The following HSPG2 variants were observed in gnomAD, a reference collection of about 807,000 sequenced individuals.
HSPG2 encodes the protein heparan sulfate proteoglycan 2, also known as basement membrane-specific heparan sulfate proteoglycan core protein.
Under a neutral mutation model 526.6 loss-of-function variants are expected in HSPG2, and 278 were observed. The ratio of observed to expected loss-of-function variants is 0.53; its 90% CI spans 0.48 to 0.58. The LOEUF (loss-of-function observed/expected upper bound fraction) is 0.58. Ranked by LOEUF, HSPG2 falls within the 20% of genes least tolerant of loss-of-function variation. The pLI is 0.00. For synonymous variants in HSPG2, 2,465 were observed against 2,555.4 expected (o/e 0.96, Z 1.07); for missense variants, 5,354 against 6,099.5 (o/e 0.88, Z 4.07).
At chr1:21,841,390 C>T in intron 70 of HSPG2, 105 bp from the exon 71 acceptor site, 6 of 1,559,890 alleles carry the variant, frequency 3.8e-6, no homozygotes, top group Non-Finnish European at 5.3e-6. Context: ...ACCTGTCTCC[C>T]CACTGCACTG....
In HSPG2 at chr1:21,887,507, C is replaced by A. The variant is rs148693072; in HGVS notation, c.871G>T (p.Ala291Ser). The change falls in exon 8 of 97, where the codon GCA becomes TCA. Residue 291 changes from alanine (A) to serine (S), a missense_variant. Ala to Ser is a moderately conservative substitution (Grantham distance 99). Coordinates refer to ENST00000374695, the MANE Select transcript of HSPG2 (RefSeq NM_005529.7). The surrounding 1 kb of genome is among the most constrained non-coding windows in gnomAD (Gnocchi z 5.0). Reference protein sequence around the residue: ...RPLPCGPQEAACRNGHCIPRD... With the variant: ...RPLPCGPQEASCRNGHCIPRD... Reference sequence around the variant, plus strand: ...GGGATGCAGTGCCCATTGCGGCATGCGGCCTCCTGGGGCCCACAGGGCAGG... The same window carrying A: ...GGGATGCAGTGCCCATTGCGGCATGAGGCCTCCTGGGGCCCACAGGGCAGG... 2.2e-5 allele frequency: 35 copies of A among 1,613,906 alleles called. No individual in the cohort carries two copies. The highest frequency in any genetic ancestry group is 2.5e-5 in the Non-Finnish European group (30 of 1,179,954).
chr1:21,857,527 C>G (rs1406595932), intron 42 of HSPG2, 142 bp from the exon 43 acceptor site: 2 of 774,824 alleles, frequency 2.6e-6, no homozygotes, highest in African/African-American at 3.4e-5. Context: ...GCACCTCCCT[C>G]CCCCATTCTG....
chr1:21,828,510 A>G lies in HSPG2; in HGVS notation c.12238-84T>C. ...ACCAGCAGGGAGAAGAATGCAGCAG[A>G]GGGGAGCTGGGAGCCCACATTGGGC... On this transcript the variant is annotated intron_variant, in intron 88 of 96. Coordinates refer to ENST00000374695, the MANE Select transcript of HSPG2 (RefSeq NM_005529.7). This position sits in a 1 kb window ranked among gnomAD's most constrained non-coding sequence, Gnocchi z 6.0. The G allele has an allele frequency of 6.9e-7, 1 of 1,452,032 alleles. No individual in the cohort carries two copies. The highest frequency in any genetic ancestry group is 9.5e-7 in the Non-Finnish European group (1 of 1,051,580). The allele number at this position is 1,452,032 out of a possible 1,614,324, so 89.9% of individuals were successfully genotyped here. A position where few individuals can be genotyped will look rare whatever the true frequency, so the allele number is the denominator to read the frequency against.
In HSPG2 at chr1:21,887,988, C is replaced by A. The variant is rs560206345; in HGVS notation, c.653G>T (p.Arg218Leu). Residue 218 changes from arginine to leucine, a missense_variant, in exon 7 of 97, where the codon CGC (arginine) becomes CTC (leucine). By Grantham distance (102) the Arg-to-Leu change is moderately radical. Coordinates refer to ENST00000374695, the MANE Select transcript of HSPG2 (RefSeq NM_005529.7). The surrounding 1 kb of genome is among the most constrained non-coding windows in gnomAD (Gnocchi z 5.0). The stretch of plus-strand genomic sequence containing the variant: ...CCTGCAGTCGGGCCGCCGGTCACAG[C>A]GATACTCCAGGGCCACACACTCATT... The part of the protein sequence containing the change: ...SYNECVALEY[R>L]CDRRPDCRDM... The A allele has an allele frequency of 6.2e-7, 1 of 1,614,180 alleles. No individual in the cohort carries two copies. The highest frequency in any genetic ancestry group is 1.7e-5 in the Admixed American group (1 of 60,026).
Position 21,851,816 on chromosome 1 carries a change from C to G in HSPG2, c.6981G>C (p.Gly2327=), listed in dbSNP as rs776803197. 6.2e-7 allele frequency: 1 copy of G among 1,613,814 alleles called. No homozygotes were observed. Among genetic ancestry groups the G allele is most frequent in the Non-Finnish European group, 8.5e-7 (1 of 1,180,020 alleles). The change falls in exon 54 of 97, where the codon GGG becomes GGC. Residue 2327 remains glycine (G), a synonymous_variant. Coordinates refer to ENST00000374695, the MANE Select transcript of HSPG2 (RefSeq NM_005529.7). The part of the protein sequence containing the change: ...MEASITVTVT[G]TQGANLAYPA... ...GGTAGGCTAAGTTGGCCCCCTGGGTCCCAGTTACTGTGACCGTGATGGAGG... is the reference window on the plus strand; with the variant it reads ...GGTAGGCTAAGTTGGCCCCCTGGGTGCCAGTTACTGTGACCGTGATGGAGG...
In HSPG2 at chr1:21,890,459, G is replaced by C. The variant is rs761552629; in HGVS notation, c.381C>G (p.Pro127=). 3.1e-6 allele frequency: 5 copies of C among 1,613,810 alleles called. No homozygotes were observed. In the African/African-American group the frequency reaches 6.7e-5, roughly 22 times the overall value. The change falls in exon 5 of 97, where the codon CCC becomes CCG. Residue 127 remains proline, a synonymous_variant. Transcript: ENST00000374695. This position sits in a 1 kb window ranked among gnomAD's most constrained non-coding sequence, Gnocchi z 4.1. ...DTLESEYLKI[P]GDQVVSVVFI... is the part of the protein sequence containing the mutation. Reference sequence around the variant, plus strand: ...ACACCACACTGACAACCTGGTCTCCGGGAATTTTCAAGTACTCCGACTCCA... The same window carrying C: ...ACACCACACTGACAACCTGGTCTCCCGGAATTTTCAAGTACTCCGACTCCA...
At position 21,824,321 on chromosome 1, in the gene HSPG2, C is replaced by T. The variant is rs766278882; in HGVS notation, c.12800G>A (p.Gly4267Glu). 6.2e-6 allele frequency: 10 copies of T among 1,613,768 alleles called. No individual in the cohort carries two copies. The highest frequency in any genetic ancestry group is 3.3e-5 in the Admixed American group (2 of 60,014). ...KDFISLGLQD[G>E]HLVFRYQLGS... The stretch of plus-strand genomic sequence containing the variant: ...CAGGACCTACCTGAAGACAAGGTGC[C>T]CGTCTTGAAGCCCGAGGCTGATGAA... The change falls in exon 94 of 97, where the codon GGG becomes GAG. Residue 4267 changes from glycine to glutamate, a missense_variant. Physicochemically the swap from Gly to Glu is moderately conservative, Grantham distance 98. Transcript: ENST00000374695. The surrounding 1 kb of genome is among the most constrained non-coding windows in gnomAD (Gnocchi z 5.9).
intron 44 of HSPG2, 44 bp from the exon 45 acceptor site, chr1:21,855,956 T>C: frequency 1.3e-6 from 2 of 1,599,118 alleles, no homozygotes; most frequent in Non-Finnish European, 1.7e-6. Context: ...GTGGGGAGTG[T>C]CGTCTGACTC....
In HSPG2 at chr1:21,887,254, C is replaced by T. The variant is rs1368166053; in HGVS notation, c.1039G>A (p.Asp347Asn). The change falls in exon 9 of 97, where the codon GAC becomes AAC. Residue 347 changes from aspartate (D) to asparagine (N), a missense_variant. Transcript: ENST00000374695. This position sits in a 1 kb window ranked among gnomAD's most constrained non-coding sequence, Gnocchi z 5.0. Reference sequence around the variant, plus strand: ...TCAGTTCGGTCCTCACAGTCAAAGTCACCATCGCAGCGCCACAGCTTGAGG... The same window carrying T: ...TCAGTTCGGTCCTCACAGTCAAAGTTACCATCGCAGCGCCACAGCTTGAGG... ...CALKLWRCDG[D>N]FDCEDRTDEA... 3 of 1,613,722 alleles carry T rather than the reference C, an allele frequency of 1.9e-6. No homozygotes were observed. Among genetic ancestry groups the T allele is most frequent in the Non-Finnish European group, 2.5e-6 (3 of 1,179,932 alleles).
rs911304321 is a variant in HSPG2 at position 21,893,090 on chromosome 1, C to T, written c.245-2396G>A. Among the ~76,000 whole-genome samples, 19 of 152,240 alleles carry T rather than the reference C, an allele frequency of 1.2e-4. No individual in the cohort carries two copies. The highest frequency in any genetic ancestry group is 4.1e-4 in the African/African-American group (17 of 41,520). ...AAGTGGGGGCTGCACACCTGACTAG[C>T]CCTGGCCCCGGAGCAGGCTACTCAC... is the stretch of plus-strand genomic sequence containing the variant. On this transcript the variant is annotated intron_variant, in intron 3 of 96. Transcript: ENST00000374695. This position sits in a 1 kb window ranked among gnomAD's most constrained non-coding sequence, Gnocchi z 4.3.
intron 1 of HSPG2, among the ~76,000 whole-genome samples, chr1:21,926,210 G>A (rs918527097): frequency 6.6e-6 from 1 of 152,184 alleles, no homozygotes; most frequent in Non-Finnish European, 1.5e-5. Flanking sequence ...AGTATTATAT[G>A]CGATAATGCC....
Position 21,937,178 on chromosome 1 carries a change from G to A in HSPG2, c.40C>T (p.Leu14=). Reference sequence around the variant, plus strand: ...ACCGCCAGCAGCCGCCCGTGCAGCAGCAGCGCCAGCAGCAGCGCGCCCGCC... The same window carrying A: ...ACCGCCAGCAGCCGCCCGTGCAGCAACAGCGCCAGCAGCAGCGCGCCCGCC... ...RAAGALLLAL[L]LHGRLLAVTH... Residue 14 remains leucine (L), a synonymous_variant, in exon 1 of 97, where the codon CTG becomes TTG. Coordinates refer to ENST00000374695, the MANE Select transcript of HSPG2 (RefSeq NM_005529.7). 1 of 1,081,700 alleles carries A rather than the reference G, an allele frequency of 9.2e-7. No homozygotes were observed. The allele number at this position is 1,081,700 out of a possible 1,614,324, so 67.0% of individuals were successfully genotyped here. A position where few individuals can be genotyped will look rare whatever the true frequency, so the allele number is the denominator to read the frequency against.
In HSPG2 at chr1:21,881,438, G is replaced by C. The variant is rs751659997; in HGVS notation, c.1719C>G (p.Ile573Met). Reference protein sequence around the residue: ...TPPLSSTQLQIDPSLHEFQLV... With the variant: ...TPPLSSTQLQMDPSLHEFQLV... Reference sequence around the variant, plus strand: ...GCTGGAACTCGTGCAGGGATGGGTCGATCTGCAGCTGCGTGGAGGAGAGGG... The same window carrying C: ...GCTGGAACTCGTGCAGGGATGGGTCCATCTGCAGCTGCGTGGAGGAGAGGG... Residue 573 changes from isoleucine to methionine, a missense_variant, in exon 14 of 97, where the codon ATC becomes ATG. Coordinates refer to ENST00000374695, the MANE Select transcript of HSPG2 (RefSeq NM_005529.7). The C allele has an allele frequency of 1.9e-6, 3 of 1,613,712 alleles. No homozygotes were observed. The highest frequency in any genetic ancestry group is 2.5e-6 in the Non-Finnish European group (3 of 1,180,040).
chr1:21,878,407 C>T, intron 20 of HSPG2, 26 bp downstream of exon 20: 1 of 1,593,862 alleles, frequency 6.3e-7, no homozygotes, highest in Non-Finnish European at 8.6e-7. Context: ...AGGTGGGTGT[C>T]AGGGGATGGT....
chr1:21,831,503 A>G lies in HSPG2; in HGVS notation c.11412T>C (p.Tyr3804=), dbSNP rs1180385169. 14 of 1,614,004 alleles carry G rather than the reference A, an allele frequency of 8.7e-6. No homozygotes were observed. Among genetic ancestry groups the G allele is most frequent in the African/African-American group, 1.3e-5 (1 of 74,918 alleles). Residue 3804 remains tyrosine (Y), a synonymous_variant, in exon 83 of 97, where the codon TAT becomes TAC. Coordinates refer to ENST00000374695, the MANE Select transcript of HSPG2 (RefSeq NM_005529.7). Reference sequence around the variant, plus strand: ...TCAGCCCCGCCTTGGGGATGGCACCATAGTCAGGATAGCCACCCAGGTAGA... The same window carrying G: ...TCAGCCCCGCCTTGGGGATGGCACCGTAGTCAGGATAGCCACCCAGGTAGA... ...EELYLGGYPD[Y]GAIPKAGLSS... is the part of the protein sequence containing the mutation.
intron 1 of HSPG2, among the ~76,000 whole-genome samples, chr1:21,921,457 G>A (rs988860909): frequency 6.6e-6 from 1 of 152,132 alleles, no homozygotes; most frequent in African/African-American, 2.4e-5. Context: ...GACTGTCTCC[G>A]GGACCCCAGG....
intron 86 of HSPG2, 129 bp downstream of exon 86, chr1:21,829,864 T>C: frequency 1.1e-6 from 1 of 873,584 alleles, no homozygotes; most frequent in Non-Finnish European, 1.8e-6. Context: ...TGTGGCCAGG[T>C]GACTTCGAGA....
In HSPG2 at chr1:21,839,660, C is replaced by T; in HGVS notation, c.9710-110G>A. Reference sequence around the variant, plus strand: ...GGTGATCCTGTCCCTCTATGGGGACCCCAGTTGGGTTCCTCGGCCATCACT... The same window carrying T: ...GGTGATCCTGTCCCTCTATGGGGACTCCAGTTGGGTTCCTCGGCCATCACT... On this transcript the variant is annotated intron_variant, in intron 72 of 96. Transcript: ENST00000374695. The surrounding 1 kb of genome is among the most constrained non-coding windows in gnomAD (Gnocchi z 4.5). 1 of 1,429,390 alleles carries T rather than the reference C, an allele frequency of 7.0e-7. No homozygotes were observed. Among genetic ancestry groups the T allele is most frequent in the African/African-American group, 1.4e-5 (1 of 70,890 alleles). 88.5% of individuals were successfully genotyped at this position (1,429,390 alleles called of 1,614,324 possible). A position where few individuals can be genotyped will look rare whatever the true frequency, so the allele number is the denominator to read the frequency against.
chr1:21,877,073 A>AAG (rs1298154059), intron 21 of HSPG2, among the ~76,000 whole-genome samples: 10 of 150,620 alleles, frequency 6.6e-5, no homozygotes, highest in African/African-American at 1.7e-4. Flanking sequence ...AAAAAAAAAA[A>AAG]AAAGAAAAGA....
Sources: gnomAD v4.1 joint callset for allele counts (sites outside exome capture counted in the v4.1 genomes callset) on GRCh38, gnomAD v4.1.1 for gene constraint, Gnocchi (gnomAD v3.1) non-coding constraint, MANE v1.5 for transcripts, NCBI Gene and HGNC (gene_info 2026-07-23, HGNC 2026-07-21) for gene names.